Variants in MAF observed in about 807,000 individuals in gnomAD.
MAF encodes transcription factor Maf.
In MAF, 10 loss-of-function variants were observed where a neutral mutation model predicts 22.0. The ratio of observed to expected loss-of-function variants is 0.45; its 90% CI spans 0.28 to 0.77. The LOEUF (loss-of-function observed/expected upper bound fraction) is 0.77, where lower values mean the gene tolerates loss of function less well. Among genes scored for constraint, MAF ranks in the 30% least tolerant of loss-of-function variants. The pLI is 0.12. For synonymous variants in MAF, 337 were observed against 255.8 expected, an observed-to-expected ratio of 1.32 and a Z score of -3.03; for missense variants, 544 against 548.4, an observed-to-expected ratio of 0.99 and a Z score of 0.08.
chr16:79,375,701 T>C, the MAF span, among the ~76,000 whole-genome samples: 1 of 152,152 alleles, frequency 6.6e-6, no homozygotes, highest in Non-Finnish European at 1.5e-5. Context: ...AAAGGAATTA[T>C]TAACATCACA....
chr16:79,515,139 T>C, the MAF span, among the ~76,000 whole-genome samples: 1 of 152,242 alleles, frequency 6.6e-6, no homozygotes, highest in African/African-American at 2.4e-5. Flanking sequence ...CATTATGGCC[T>C]GACACAGACT....
the MAF span, among the ~76,000 whole-genome samples, chr16:79,415,642 G>A: frequency 0.028 from 4,275 of 151,786 alleles, 125 homozygotes; most frequent in African/African-American, 0.07. Context: ...TGGTTGCCTC[G>A]GGGCCACTGA....
At chr16:79,328,677 C>T in the MAF span, among the ~76,000 whole-genome samples, 1 of 152,094 alleles carries the variant, frequency 6.6e-6, no homozygotes, top group Admixed American at 6.5e-5. Context: ...TTTCATTTGG[C>T]CAATATAACT....
chr16:79,391,197 T>A, the MAF span, among the ~76,000 whole-genome samples: 1 of 152,182 alleles, frequency 6.6e-6, no homozygotes, highest in Non-Finnish European at 1.5e-5. Context: ...TTGGGCAAAT[T>A]GTTCAACCTC....
At chr16:79,433,277 A>AT in the MAF span, among the ~76,000 whole-genome samples, 8,727 of 118,722 alleles carry the variant, frequency 0.074, 328 homozygotes, top group Non-Finnish European at 0.11. Context: ...TAAAAAAAAA[A>AT]ATATATATAT....
chr16:79,299,236 G>A, the MAF span, among the ~76,000 whole-genome samples: 9 of 152,028 alleles, frequency 5.9e-5, no homozygotes, highest in South Asian at 1.9e-3. Flanking sequence ...CCATTAATGC[G>A]GGTTTTGTTC....
chr16:79,419,382 G>C, the MAF span, among the ~76,000 whole-genome samples: 3 of 152,182 alleles, frequency 2.0e-5, no homozygotes, highest in Non-Finnish European at 4.4e-5. Flanking sequence ...CAGAGATTGA[G>C]AAAACAGGAC....
At chr16:79,531,165 T>A in the MAF span, among the ~76,000 whole-genome samples, 4 of 152,200 alleles carry the variant, frequency 2.6e-5, no homozygotes, top group African/African-American at 9.6e-5. Flanking sequence ...CTAGAGCTTG[T>A]ATAAGCATAC....
chr16:79,357,253 CACAACAACAACA>C, the MAF span, among the ~76,000 whole-genome samples: 57 of 146,082 alleles, frequency 3.9e-4, 1 homozygote, highest in South Asian at 1.6e-3. Context: ...AAGACTCTGT[CACAACAACAACA>C]ACAACAACAA....
the MAF span, among the ~76,000 whole-genome samples, chr16:79,207,582 AATAT>A: frequency 1.3e-5 from 2 of 152,232 alleles, no homozygotes; most frequent in Non-Finnish European, 2.9e-5. Context: ...ACAATCATTG[AATAT>A]ATAGATATGC....
chr16:79,453,930 G>T, the MAF span, among the ~76,000 whole-genome samples: 21 of 152,154 alleles, frequency 1.4e-4, no homozygotes, highest in Admixed American at 1.3e-4. Context: ...TACCTACCTT[G>T]CTATTAAAAT....
chr16:79,357,923 C>T, the MAF span, among the ~76,000 whole-genome samples: 19 of 152,298 alleles, frequency 1.2e-4, no homozygotes, highest in East Asian at 2.3e-3. Flanking sequence ...TAACCTGATC[C>T]GGGCTGGGAC....
At chr16:79,537,145 T>C in the MAF span, among the ~76,000 whole-genome samples, 1 of 152,218 alleles carries the variant, frequency 6.6e-6, no homozygotes, top group African/African-American at 2.4e-5. Flanking sequence ...CACATTTTAT[T>C]GAATGATAAA....
chr16:79,473,055 G>A, the MAF span, among the ~76,000 whole-genome samples: 1 of 152,098 alleles, frequency 6.6e-6, no homozygotes, highest in Non-Finnish European at 1.5e-5. Flanking sequence ...TTGTGATAAG[G>A]GGAACGAAGA....
chr16:79,522,608 A>G, the MAF span, among the ~76,000 whole-genome samples: 1 of 152,204 alleles, frequency 6.6e-6, no homozygotes, highest in Admixed American at 6.5e-5. Flanking sequence ...AGGGAGACAA[A>G]TGCATGCACA....
the MAF span, among the ~76,000 whole-genome samples, chr16:79,499,491 C>G: frequency 6.6e-6 from 1 of 152,148 alleles, no homozygotes; most frequent in Admixed American, 6.5e-5. Context: ...CCCTAAAATT[C>G]ATATGTTGAA....
At chr16:79,434,601 A>G in the MAF span, among the ~76,000 whole-genome samples, 9 of 151,904 alleles carry the variant, frequency 5.9e-5, no homozygotes, top group Non-Finnish European at 1.3e-4. Context: ...TGTTAAAAGT[A>G]TACATATACT....
chr16:79,531,286 C>A, the MAF span, among the ~76,000 whole-genome samples: 22 of 152,106 alleles, frequency 1.4e-4, no homozygotes, highest in Non-Finnish European at 3.1e-4. Flanking sequence ...CTCTGCATCT[C>A]ATCTCTCTAA....
chr16:79,557,433 T>G, the MAF span, among the ~76,000 whole-genome samples: 3 of 151,932 alleles, frequency 2.0e-5, no homozygotes, highest in Non-Finnish European at 2.9e-5. Flanking sequence ...CAAGAAGAAA[T>G]AGATCCCCCA....
Sources: gnomAD v4.1 joint callset for allele counts (sites outside exome capture counted in the v4.1 genomes callset) on GRCh38, gnomAD v4.1.1 for gene constraint, MANE v1.5 for transcripts, NCBI Gene and HGNC (gene_info 2026-07-23, HGNC 2026-07-21) for gene names.